HPSE2: variants seen among roughly 807,000 people sequenced by gnomAD.
HPSE2 encodes the protein heparanase 2 (inactive), also known as inactive heparanase-2.
In HPSE2, 38 loss-of-function variants were observed where a neutral mutation model predicts 60.5. The observed-to-expected ratio is 0.63, with a 90% CI of 0.48 to 0.82. The LOEUF is 0.82. Ranked by LOEUF, HPSE2 falls within the 40% of genes least tolerant of loss-of-function variation. HPSE2 has a pLI of 0.00. For missense variants in HPSE2, 713 were observed against 740.4 expected, an observed-to-expected ratio of 0.96 and a Z score of 0.43; for synonymous variants, 295 against 293.2, an observed-to-expected ratio of 1.01 and a Z score of -0.06.
At chr10:98,719,331 A>G (rs1443907805) in intron 5 of HPSE2, among the ~76,000 whole-genome samples, 1 of 152,146 alleles carries the variant, frequency 6.6e-6, no homozygotes, top group Non-Finnish European at 1.5e-5. Flanking sequence ...ATATAAACAA[A>G]TGTTATCATC....
chr10:99,197,057 T>G (rs1848423259), intron 2 of HPSE2, among the ~76,000 whole-genome samples: 1 of 152,170 alleles, frequency 6.6e-6, no homozygotes, highest in African/African-American at 2.4e-5. Context: ...GGAATGAGAT[T>G]CAGTCCTTTG....
At chr10:99,156,855 T>C (rs200998430) in intron 2 of HPSE2, among the ~76,000 whole-genome samples, 3,537 of 60,222 alleles carry the variant, frequency 0.059, 69 homozygotes, top group Non-Finnish European at 0.11. Context: ...GAAAACCCCA[T>C]TGTCTCAGCC....
intron 3 of HPSE2, among the ~76,000 whole-genome samples, chr10:99,101,981 T>A (rs1018502764): frequency 3.9e-5 from 6 of 152,126 alleles, no homozygotes; most frequent in East Asian, 1.9e-4. Context: ...ACACATTTAA[T>A]GCAGTGTGTA....
chr10:99,130,594 G>A (rs1354037880), intron 3 of HPSE2, among the ~76,000 whole-genome samples: 1 of 152,184 alleles, frequency 6.6e-6, no homozygotes, highest in Non-Finnish European at 1.5e-5. Flanking sequence ...TGGCCCCAAG[G>A]AAGGGGCTTG....
At chr10:98,685,097 G>A (rs753532159) in intron 6 of HPSE2, among the ~76,000 whole-genome samples, 1 of 152,200 alleles carries the variant, frequency 6.6e-6, no homozygotes, top group African/African-American at 2.4e-5. Flanking sequence ...ACAGTTTACT[G>A]TACTTGTTTT....
At chr10:98,848,099 G>C (rs1267934759) in intron 3 of HPSE2, among the ~76,000 whole-genome samples, 1 of 152,190 alleles carries the variant, frequency 6.6e-6, no homozygotes, top group Non-Finnish European at 1.5e-5. Context: ...TTCAGGGTAT[G>C]AGAGTAGCTG....
intron 6 of HPSE2, among the ~76,000 whole-genome samples, chr10:98,672,805 G>A (rs1947539967): frequency 6.6e-6 from 1 of 151,868 alleles, no homozygotes; most frequent in Non-Finnish European, 1.5e-5. Flanking sequence ...ATTCAATTTT[G>A]TTTTGTAAAC....
rs946247053 is a variant in HPSE2, at chr10:98,669,536, T to C, written c.1004+24364A>G. Among the ~76,000 whole-genome samples the C allele has an allele frequency of 2.0e-4, 31 of 152,166 alleles. 1 individual carries two copies. Among genetic ancestry groups the C allele is most frequent in the Admixed American group, 1.1e-3 (17 of 15,276 alleles). ...AAGAAAATTTGGTACATATACAGCATGAAATACTATGCAGCCATAAAAATA... is the reference window on the plus strand; with the variant it reads ...AAGAAAATTTGGTACATATACAGCACGAAATACTATGCAGCCATAAAAATA... On this transcript the variant is annotated intron_variant, in intron 6 of 11. Transcript: ENST00000370552.
chr10:98,785,563 C>T (rs1162478137), intron 3 of HPSE2, among the ~76,000 whole-genome samples: 3 of 109,056 alleles, frequency 2.8e-5, no homozygotes, highest in East Asian at 5.9e-4. Flanking sequence ...GCTGTGAATC[C>T]ATCTGGTCCT....
intron 9 of HPSE2, among the ~76,000 whole-genome samples, chr10:98,576,071 T>C (rs1944632060): frequency 6.6e-6 from 1 of 152,204 alleles, no homozygotes; most frequent in Non-Finnish European, 1.5e-5. Flanking sequence ...TTTCACTCTT[T>C]ACTGAAGAAA....
chr10:99,241,892 CT>C, the HPSE2 span, among the ~76,000 whole-genome samples: 2 of 152,172 alleles, frequency 1.3e-5, no homozygotes, highest in Admixed American at 6.5e-5. Flanking sequence ...ACATGAATGA[CT>C]TAGTGGTAAA....
At position 98,558,999 on chromosome 10, in the gene HPSE2, T is replaced by C. The variant is rs555740458; in HGVS notation, c.1320+55905A>G. On this transcript the variant is annotated intron_variant, in intron 9 of 11. Transcript: ENST00000370552. ...TAGCCTTTCTAGGCATCTGAGTTTGTGTCCCTGGGAATCGAAGCCTCTCTG... is the reference window on the plus strand; with the variant it reads ...TAGCCTTTCTAGGCATCTGAGTTTGCGTCCCTGGGAATCGAAGCCTCTCTG... Among the ~76,000 whole-genome samples, 3 of 152,272 alleles carry C rather than the reference T, an allele frequency of 2.0e-5. No individual in the cohort carries two copies. In the South Asian group the frequency reaches 6.2e-4, roughly 32 times the overall value.
chr10:99,160,034 G>A (rs140214508), intron 2 of HPSE2, among the ~76,000 whole-genome samples: 4 of 151,832 alleles, frequency 2.6e-5, no homozygotes, highest in Non-Finnish European at 2.9e-5. Context: ...CCAGCGACTC[G>A]GGAGGCTGAA....
chr10:98,492,970 AT>A (rs1490952662), intron 9 of HPSE2, among the ~76,000 whole-genome samples: 1 of 152,234 alleles, frequency 6.6e-6, no homozygotes, highest in Non-Finnish European at 1.5e-5. Flanking sequence ...CCCATTAAAC[AT>A]TAACTCTTCA....
intron 3 of HPSE2, among the ~76,000 whole-genome samples, chr10:99,119,836 G>A (rs1366693207): frequency 6.6e-6 from 1 of 152,004 alleles, no homozygotes; most frequent in Non-Finnish European, 1.5e-5. Context: ...ACAAAAACAA[G>A]CAATGGGGAA....
intron 3 of HPSE2, among the ~76,000 whole-genome samples, chr10:98,895,086 T>A (rs1344122100): frequency 1.3e-5 from 2 of 152,078 alleles, no homozygotes; most frequent in South Asian, 2.1e-4. Flanking sequence ...TTAAAAAAAA[T>A]TTAGGAGTGT....
chr10:98,961,055 T>C (rs1197898887), intron 3 of HPSE2, among the ~76,000 whole-genome samples: 1 of 49,864 alleles, frequency 2.0e-5, no homozygotes, highest in African/African-American at 8.3e-5. Context: ...TCCATGTCCC[T>C]ACAAAGGATA....
At chr10:98,810,396 A>G (rs1165449933) in intron 3 of HPSE2, among the ~76,000 whole-genome samples, 1 of 152,102 alleles carries the variant, frequency 6.6e-6, no homozygotes, top group African/African-American at 2.4e-5. Flanking sequence ...AGAAAAAAAA[A>G]TCACAACACA....
the HPSE2 span, among the ~76,000 whole-genome samples, chr10:99,313,170 T>A: frequency 6.6e-6 from 1 of 152,190 alleles, no homozygotes; most frequent in Admixed American, 6.5e-5. Flanking sequence ...GCCTGAGGTA[T>A]TGCTTTCTAG....
Sources: allele counts gnomAD v4.1 joint callset (sites outside exome capture counted in the v4.1 genomes callset), GRCh38; gene constraint gnomAD v4.1.1; transcripts MANE v1.5; gene names NCBI Gene and HGNC (gene_info 2026-07-23, HGNC 2026-07-21).